Variants in USP34 observed in about 807,000 individuals in gnomAD.
The protein encoded by USP34 is ubiquitin specific peptidase 34.
USP34 carries 70 observed loss-of-function variants against 460.3 expected under a neutral mutation model. The observed-to-expected ratio is 0.15, with a 90% CI of 0.13 to 0.19. The LOEUF (loss-of-function observed/expected upper bound fraction) is 0.19, where lower values mean the gene tolerates loss of function less well. USP34 is among the 10% of genes least tolerant of loss of function. The pLI is 1.00. For synonymous variants in USP34, 1,647 were observed against 1,405.3 expected (o/e 1.17, Z -3.85); for missense variants, 3,985 against 4,236.2 (o/e 0.94, Z 1.65).
At chr2:61,402,068 T>A (rs991898458) in intron 3 of USP34, among the ~76,000 whole-genome samples, 2 of 151,552 alleles carry the variant, frequency 1.3e-5, no homozygotes, top group African/African-American at 4.8e-5. Context: ...CTGGTCTCGA[T>A]AAACCCCATA....
At chr2:61,220,151 TAAAAAAA>T (rs60784334) in intron 67 of USP34, 152 bp downstream of exon 67, 177 of 169,180 alleles carry the variant, frequency 1.0e-3, no homozygotes, top group Middle Eastern at 2.4e-3. Flanking sequence ...TTTCCTATCC[TAAAAAAA>T]AAAAAAAAAA....
At chr2:61,284,338 A>T (rs1187039704) in intron 35 of USP34, among the ~76,000 whole-genome samples, 4 of 152,192 alleles carry the variant, frequency 2.6e-5, no homozygotes, top group Non-Finnish European at 4.4e-5. Flanking sequence ...AGTACTCTAT[A>T]AAATAACTGG....
At chr2:61,225,218 A>G (rs1261255493) in intron 62 of USP34, among the ~76,000 whole-genome samples, 1 of 152,184 alleles carries the variant, frequency 6.6e-6, no homozygotes, top group Admixed American at 6.5e-5. Flanking sequence ...CTACAATTTA[A>G]TATTTTTATC....
At chr2:61,212,407 T>C (rs1299803652) in intron 68 of USP34, among the ~76,000 whole-genome samples, 1 of 152,250 alleles carries the variant, frequency 6.6e-6, no homozygotes, top group East Asian at 1.9e-4. Context: ...TTTCTTTAAT[T>C]AATGAGAAAT....
chr2:61,417,201 C>T, intron 2 of USP34: 7 of 1,554,960 alleles, frequency 4.5e-6, no homozygotes, highest in Non-Finnish European at 6.1e-6. Context: ...GGACCCTACA[C>T]TGGGGTAGTG....
intron 2 of USP34, among the ~76,000 whole-genome samples, chr2:61,409,032 C>T (rs533071079): frequency 6.6e-6 from 1 of 151,756 alleles, no homozygotes; most frequent in Admixed American, 6.6e-5. Context: ...CCAGCCTGAC[C>T]AATACAGCAA....
rs964207098 is a variant in USP34, at chr2:61,395,331, A to G, written c.553-98T>C. The stretch of plus-strand genomic sequence containing the variant: ...GACTGATTTTATAAAAACCGAATAA[A>G]CAGATTATTTTGCAATTACTCCTGA... On this transcript the variant is annotated intron_variant, in intron 3 of 79. Transcript: ENST00000398571. 2.4e-5 allele frequency: 19 copies of G among 799,250 alleles called. No homozygotes were observed. In the African/African-American group the frequency reaches 3.2e-4, roughly 13 times the overall value. The allele number at this position is 799,250 out of a possible 1,614,324, so 49.5% of individuals were successfully genotyped here. A position where few individuals can be genotyped will look rare whatever the true frequency, so the allele number is the denominator to read the frequency against.
Position 61,405,985 on chromosome 2 carries a change from G to T in USP34, c.275C>A (p.Ser92Tyr). 2 of 1,613,500 alleles carry T rather than the reference G, an allele frequency of 1.2e-6. No homozygotes were observed. Among genetic ancestry groups the T allele is most frequent in the South Asian group, 1.1e-5 (1 of 91,068 alleles). Residue 92 changes from serine to tyrosine, a missense_variant, in exon 3 of 80, where the codon TCC becomes TAC. This residue lies in a region of USP34 where 331 missense variants were observed against 293.7 expected (regional missense o/e 1.13). Coordinates refer to ENST00000398571, the MANE Select transcript of USP34 (RefSeq NM_014709.4). ...CKHCTTINID[S>Y]TWQDESNQAE... ...TTGATTACTCTCATCTTGCCACGTG[G>T]AATCTATGTTAATGGTAGTACAATG...
intron 5 of USP34, among the ~76,000 whole-genome samples, chr2:61,386,898 G>A (rs1291083208): frequency 1.3e-5 from 2 of 152,062 alleles, no homozygotes; most frequent in African/African-American, 4.8e-5. Context: ...ATGACAAACT[G>A]TACAACATGA....
At chr2:61,328,259 G>A (rs917814539) in intron 20 of USP34, among the ~76,000 whole-genome samples, 11 of 143,188 alleles carry the variant, frequency 7.7e-5, no homozygotes, top group Admixed American at 2.2e-4. Context: ...CTGAGATCAC[G>A]ACATTGCACT....
chr2:61,313,479 A>G (rs1690656405), intron 25 of USP34, among the ~76,000 whole-genome samples: 1 of 152,182 alleles, frequency 6.6e-6, no homozygotes, highest in Admixed American at 6.5e-5. Context: ...TATGGGTATC[A>G]TTAACAGTAT....
chr2:61,198,477 CTT>C (rs914567638), intron 75 of USP34, among the ~76,000 whole-genome samples: 3 of 151,908 alleles, frequency 2.0e-5, no homozygotes, highest in African/African-American at 7.3e-5. Context: ...CAAATGGACT[CTT>C]GACTAGTACT....
In USP34 at chr2:61,339,342, C is replaced by A; in HGVS notation, c.2744+9G>T. On this transcript the variant is annotated intron_variant, in intron 18 of 79. Transcript: ENST00000398571. ...CTACTGCATTAAAAATTTTTAAATT[C>A]CTCTTTACCTGTTGTTTCCCAAGTT... 1 of 1,601,916 alleles carries A rather than the reference C, an allele frequency of 6.2e-7. No individual in the cohort carries two copies. The highest frequency in any genetic ancestry group is 1.7e-5 in the Admixed American group (1 of 57,614).
intron 1 of USP34, among the ~76,000 whole-genome samples, chr2:61,464,914 T>TAACTACAAAAGC (rs1695717143): frequency 6.6e-6 from 1 of 151,966 alleles, no homozygotes; most frequent in South Asian, 2.1e-4. Context: ...TTCACAAAAG[T>TAACTACAAAAGC]AACTACAAAA....
At chr2:61,470,258 G>C (rs954276115) in intron 1 of USP34, among the ~76,000 whole-genome samples, 1 of 152,158 alleles carries the variant, frequency 6.6e-6, no homozygotes, top group African/African-American at 2.4e-5. Context: ...GGCGGCCGGA[G>C]GATTTGGACT....
chr2:61,462,262 A>G (rs1300136848), intron 1 of USP34, among the ~76,000 whole-genome samples: 1 of 148,698 alleles, frequency 6.7e-6, no homozygotes, highest in African/African-American at 2.5e-5. Flanking sequence ...AAAAAAAAGA[A>G]AATCAGCCAG....
chr2:61,419,392 C>G (rs1454431199), intron 2 of USP34, among the ~76,000 whole-genome samples: 1 of 143,562 alleles, frequency 7.0e-6, no homozygotes, highest in Non-Finnish European at 1.6e-5. Flanking sequence ...GAGGCAAACA[C>G]TTTGATATTC....
chr2:61,390,876 C>T (rs922785272), intron 5 of USP34, among the ~76,000 whole-genome samples: 6 of 151,618 alleles, frequency 4.0e-5, no homozygotes, highest in African/African-American at 1.2e-4. Flanking sequence ...GTGGGGGCAT[C>T]GCAAGGTCAA....
intron 3 of USP34, among the ~76,000 whole-genome samples, chr2:61,402,514 C>G (rs542284669): frequency 6.6e-6 from 1 of 152,148 alleles, no homozygotes; most frequent in Admixed American, 6.6e-5. Flanking sequence ...TTCTAGGACT[C>G]TTCTCAGCAA....
Sources: allele counts gnomAD v4.1 joint callset (sites outside exome capture counted in the v4.1 genomes callset), GRCh38; gene constraint gnomAD v4.1.1; regional missense constraint gnomAD v4.1.1; transcripts MANE v1.5; gene names NCBI Gene and HGNC (gene_info 2026-07-23, HGNC 2026-07-21).